Variants in CLIP3 observed in about 807,000 individuals in gnomAD.
CLIP3 encodes CAP-Gly domain containing linker protein 3.
CLIP3 carries 15 observed loss-of-function variants against 59.4 expected under a neutral mutation model. The ratio of observed to expected loss-of-function variants is 0.25; its 90% CI spans 0.17 to 0.39. CLIP3 has a LOEUF of 0.39. CLIP3 is among the 10% of genes least tolerant of loss of function. CLIP3 has a pLI of 1.00. For missense variants in CLIP3, 495 were observed against 765.7 expected (o/e 0.65, Z 4.17); for synonymous variants, 300 against 321.6 (o/e 0.93, Z 0.72).
intron 6 of CLIP3, among the ~76,000 whole-genome samples, chr19:36,025,307 T>C (rs944141038): frequency 3.9e-5 from 6 of 151,988 alleles, no homozygotes; most frequent in African/African-American, 1.2e-4. Flanking sequence ...TGGGCTCCTG[T>C]GGGCTGGGTG....
At chr19:36,019,398 G>A (rs1358750369) in intron 7 of CLIP3, 92 bp from the exon 8 acceptor site, 2 of 1,471,994 alleles carry the variant, frequency 1.4e-6, no homozygotes, top group Admixed American at 2.0e-5. Flanking sequence ...GGTTGCATGA[G>A]GCCGCCCTGG....
rs926993196 is a variant in CLIP3, at chr19:36,015,864, T to C, written c.*294A>G. On this transcript the variant is annotated 3_prime_UTR_variant, in exon 14 of 14. Transcript: ENST00000360535. ...ATTATGTGGAGAGGGTCACCATCAT[T>C]TGGGGTGATATGGAAATCTGTTAAT... 8.1e-6 allele frequency: 4 copies of C among 491,814 alleles called. No homozygotes were observed. Among genetic ancestry groups the C allele is most frequent in the African/African-American group, 1.9e-5 (1 of 51,670 alleles). 30.5% of individuals were successfully genotyped at this position (491,814 alleles called of 1,614,324 possible).
In CLIP3 at chr19:36,019,219, C is replaced by T. The variant is rs1377208679; in HGVS notation, c.1006G>A (p.Asp336Asn). 6.8e-6 allele frequency: 11 copies of T among 1,613,972 alleles called. No individual in the cohort carries two copies. Among genetic ancestry groups the T allele is most frequent in the African/African-American group, 1.3e-5 (1 of 74,956 alleles). ...TACCGAACGCCCCCAACGCTGCCAT[C>T]GTTCTTGCCCTCAGGTTCGTCCAGC... ...VELDEPEGKN[D>N]GSVGGVRYFI... The change falls in exon 8 of 14, where the codon GAT (aspartate) becomes AAT (asparagine). Residue 336 changes from aspartate to asparagine, a missense_variant. Transcript: ENST00000360535.
intron 12 of CLIP3, among the ~76,000 whole-genome samples, 166 bp downstream of exon 12, chr19:36,017,220 T>C (rs1968820936): frequency 6.6e-6 from 1 of 152,156 alleles, no homozygotes; most frequent in Non-Finnish European, 1.5e-5. Context: ...AATTTCCTCA[T>C]ATCCTCTAGC....
chr19:36,018,748 A>G, intron 9 of CLIP3, 150 bp downstream of exon 9: 1 of 1,089,072 alleles, frequency 9.2e-7, no homozygotes, highest in Non-Finnish European at 1.3e-6. Flanking sequence ...ACTGAGCCAA[A>G]GGGGAAACTG....
At chr19:36,024,356 A>C (rs1441789236) in intron 7 of CLIP3, 40 bp downstream of exon 7, 93 of 1,486,202 alleles carry the variant, frequency 6.3e-5, no homozygotes, top group Non-Finnish European at 8.1e-5. Flanking sequence ...GCTGAGTCCC[A>C]CCCCCACCCA....
At position 36,015,812 on chromosome 19, in the gene CLIP3, T is replaced by C; in HGVS notation, c.*346A>G. Reference sequence around the variant, plus strand: ...GGGAGGTTTCTGATCCAGGGTTGGGTGATTCAAGAATGTTCTGTTGTAATG... The same window carrying C: ...GGGAGGTTTCTGATCCAGGGTTGGGCGATTCAAGAATGTTCTGTTGTAATG... On this transcript the variant is annotated 3_prime_UTR_variant, in exon 14 of 14. Transcript: ENST00000360535. The C allele has an allele frequency of 3.1e-6, 1 of 321,208 alleles. No homozygotes were observed. The highest frequency in any genetic ancestry group is 5.5e-5 in the East Asian group (1 of 18,024). 19.9% of individuals were successfully genotyped at this position (321,208 alleles called of 1,614,324 possible).
intron 9 of CLIP3, 65 bp from the exon 10 acceptor site, chr19:36,018,056 C>G: frequency 6.4e-7 from 1 of 1,572,320 alleles, no homozygotes; most frequent in Non-Finnish European, 8.7e-7. Flanking sequence ...CCTCGTGCCA[C>G]CTGGAAAACC....
At chr19:36,019,353 C>G (rs1453500316) in intron 7 of CLIP3, 47 bp from the exon 8 acceptor site, 69 of 1,570,844 alleles carry the variant, frequency 4.4e-5, no homozygotes, top group Middle Eastern at 1.7e-4. Flanking sequence ...TGCTGGGAGG[C>G]CAACGTGGAG....
In CLIP3 at chr19:36,016,406, G is replaced by A. The variant is rs1217199930; in HGVS notation, c.1590-194C>T. Reference sequence around the variant, plus strand: ...TCTGTCACCCAGGCTGGAGTGCCATGGCACGATCTCGGCTCACTGCAACCT... The same window carrying A: ...TCTGTCACCCAGGCTGGAGTGCCATAGCACGATCTCGGCTCACTGCAACCT... On this transcript the variant is annotated intron_variant, in intron 13 of 13. Coordinates refer to ENST00000360535, the MANE Select transcript of CLIP3 (RefSeq NM_015526.3). The surrounding 1 kb of genome is among the most constrained non-coding windows in gnomAD (Gnocchi z 4.1). 8.5e-5 allele frequency among the ~76,000 whole-genome samples: 13 copies of A among 152,194 alleles called. No individual in the cohort carries two copies. The highest frequency in any genetic ancestry group is 4.4e-5 in the Non-Finnish European group (3 of 68,028).
rs755962990 is a variant in CLIP3, at chr19:36,026,154, G to T, written c.674C>A (p.Ala225Glu). Residue 225 changes from alanine to glutamate, a missense_variant, in exon 6 of 14, where the codon GCG becomes GAG. Ala to Glu is a moderately radical substitution (Grantham distance 107). Around this residue, in one of 5 missense-constraint regions of CLIP3, gnomAD observed 194 missense variants for 327.8 expected, o/e 0.59. Coordinates refer to ENST00000360535, the MANE Select transcript of CLIP3 (RefSeq NM_015526.3). This position sits in a 1 kb window ranked among gnomAD's most constrained non-coding sequence, Gnocchi z 6.3. ...GGGCAAGGGTGGCAGTACCCTCAGC[G>T]CAGGGTTGGCGCCGTGCTCCAGCAA... ...KCLLEHGANP[A>E]LRNRKGQVPA... 1 of 1,612,504 alleles carries T rather than the reference G, an allele frequency of 6.2e-7. No homozygotes were observed. The highest frequency in any genetic ancestry group is 1.7e-5 in the Admixed American group (1 of 59,996).
intron 7 of CLIP3, among the ~76,000 whole-genome samples, chr19:36,019,598 A>ATTTATTTTTTTT (rs1568540451): frequency 2.0e-5 from 2 of 99,392 alleles, no homozygotes; most frequent in African/African-American, 9.2e-5. Flanking sequence ...TTATTTATTT[A>ATTTATTTTTTTT]TTTTATTTAT....
At chr19:36,031,010 T>TG (rs1222619640) in intron 2 of CLIP3, among the ~76,000 whole-genome samples, 4 of 107,640 alleles carry the variant, frequency 3.7e-5, no homozygotes, top group Admixed American at 3.4e-4. Context: ...TTTCTTTTCT[T>TG]TTTTTTTTTT....
chr19:36,024,972 A>G lies in CLIP3; in HGVS notation c.682-340T>C, dbSNP rs557640243. On this transcript the variant is annotated intron_variant, in intron 6 of 13. Transcript: ENST00000360535. ...TCCCAGCTACTCGGGAGGCTGAGGC[A>G]GGAGAATCGCTTGAATCCGGGAAGC... Among the ~76,000 whole-genome samples, 12 of 152,044 alleles carry G rather than the reference A, an allele frequency of 7.9e-5. 1 individual carries two copies. The South Asian group carries it at 2.3e-3, about 29-fold the overall frequency.
In CLIP3 at chr19:36,016,230, A is replaced by AG. The variant is rs1397122435; in HGVS notation, c.1590-19dup. 1 of 1,614,054 alleles carries AG rather than the reference A, an allele frequency of 6.2e-7. No homozygotes were observed. Among genetic ancestry groups the AG allele is most frequent in the Non-Finnish European group, 8.5e-7 (1 of 1,179,952 alleles). ...ACAGCAACCTGGAAAGGAGGATGAC[A>AG]GGGTCACGCCCTTAGGCAGGCAGCG... On this transcript the variant is annotated intron_variant, in intron 13 of 13. Coordinates refer to ENST00000360535, the MANE Select transcript of CLIP3 (RefSeq NM_015526.3). This position sits in a 1 kb window ranked among gnomAD's most constrained non-coding sequence, Gnocchi z 4.1.
intron 2 of CLIP3, among the ~76,000 whole-genome samples, chr19:36,030,982 CT>C (rs1969238357): frequency 1.5e-5 from 2 of 131,288 alleles, no homozygotes; most frequent in South Asian, 5.1e-4. Context: ...CCTTTAATTT[CT>C]TTTTCTTTTT....
chr19:36,027,297 A>G (rs770801535), intron 2 of CLIP3, 26 bp from the exon 3 acceptor site: 1 of 1,566,926 alleles, frequency 6.4e-7, no homozygotes, highest in Admixed American at 1.9e-5. Flanking sequence ...GTCCAAGGTC[A>G]CCCCACGCAA....
chr19:36,020,427 AC>A (rs1171640636), intron 7 of CLIP3, among the ~76,000 whole-genome samples: 1 of 151,660 alleles, frequency 6.6e-6, no homozygotes, highest in Non-Finnish European at 1.5e-5. Flanking sequence ...ACATGGTGAA[AC>A]CCCCATCTCT....
At chr19:36,027,416 G>T in intron 2 of CLIP3, 145 bp from the exon 3 acceptor site, 1 of 849,020 alleles carries the variant, frequency 1.2e-6, no homozygotes, top group Non-Finnish European at 1.7e-6. Flanking sequence ...CAACCCACAG[G>T]CATTTTCTGT....
Sources: gnomAD v4.1 joint callset for allele counts (sites outside exome capture counted in the v4.1 genomes callset) on GRCh38, gnomAD v4.1.1 for gene constraint, gnomAD v4.1.1 regional missense constraint, Gnocchi (gnomAD v3.1) non-coding constraint, MANE v1.5 for transcripts, NCBI Gene and HGNC (gene_info 2026-07-23, HGNC 2026-07-21) for gene names.